The following FRK variants were observed in gnomAD, a reference collection of about 807,000 sequenced individuals.
FRK encodes the protein fyn related Src family tyrosine kinase.
A neutral mutation model predicts 56.4 loss-of-function variants in FRK; 51 were observed. The ratio of observed to expected loss-of-function variants is 0.90; its 90% CI spans 0.72 to 1.14. The LOEUF is 1.14. Among genes scored for constraint, FRK ranks in the 50% most tolerant of loss-of-function variants. The pLI is 0.00. For synonymous variants in FRK, 245 were observed against 217.9 expected (o/e 1.12, Z -1.10); for missense variants, 570 against 601.4 (o/e 0.95, Z 0.55).
At chr6:115,949,552 A>C (rs1235221590) in intron 5 of FRK, among the ~76,000 whole-genome samples, 1 of 152,216 alleles carries the variant, frequency 6.6e-6, no homozygotes, top group Non-Finnish European at 1.5e-5. Flanking sequence ...CAAATGGAAA[A>C]ATATTCCATG....
At chr6:115,946,228 G>A (rs1042995396) in intron 5 of FRK, among the ~76,000 whole-genome samples, 1 of 152,114 alleles carries the variant, frequency 6.6e-6, no homozygotes, top group Non-Finnish European at 1.5e-5. Flanking sequence ...ATACATTACA[G>A]GGGCCAGGAA....
At chr6:116,049,383 A>C (rs1777105706) in intron 1 of FRK, among the ~76,000 whole-genome samples, 1 of 152,212 alleles carries the variant, frequency 6.6e-6, no homozygotes, top group Non-Finnish European at 1.5e-5. Context: ...GTAAGCATTG[A>C]GTAAAACTAA....
chr6:116,036,878 T>C (rs1776504302), intron 1 of FRK, among the ~76,000 whole-genome samples: 1 of 152,166 alleles, frequency 6.6e-6, no homozygotes, highest in Non-Finnish European at 1.5e-5. Flanking sequence ...CCTTCTCTAA[T>C]CCAAGTTCAA....
rs2114490651 is a variant in FRK at position 115,935,823 on chromosome 6, A to C, written c.*6591T>G. 1 of 152,460 alleles carries C rather than the reference A, an allele frequency of 6.6e-6. No individual in the cohort carries two copies. The highest frequency in any genetic ancestry group is 1.5e-5 in the Non-Finnish European group (1 of 68,142). 9.4% of individuals were successfully genotyped at this position (152,460 alleles called of 1,614,324 possible). Reference sequence around the variant, plus strand: ...TAGATTCCTCCTCTCTGGGCAGGGCAACTCTAAAAAAAAGGCAGTCAGGGA... The same window carrying C: ...TAGATTCCTCCTCTCTGGGCAGGGCCACTCTAAAAAAAAGGCAGTCAGGGA... On this transcript the variant is annotated 3_prime_UTR_variant, in exon 8 of 8. Transcript: ENST00000606080.
At chr6:116,005,611 G>T (rs1429258473) in intron 1 of FRK, among the ~76,000 whole-genome samples, 2 of 152,148 alleles carry the variant, frequency 1.3e-5, no homozygotes, top group Admixed American at 1.3e-4. Context: ...TCAGTATCAG[G>T]AGCAAATTGA....
In FRK at chr6:116,010,246, T is replaced by C. The variant is rs997656412; in HGVS notation, c.345-6248A>G. On this transcript the variant is annotated intron_variant, in intron 1 of 7. Coordinates refer to ENST00000606080, the MANE Select transcript of FRK (RefSeq NM_002031.3). ...AAAAAAATTCACAAACTAAAAATTA[T>C]ATGTGCTTACTTTCCTGGAGATTAG... is the stretch of plus-strand genomic sequence containing the variant. Among the ~76,000 whole-genome samples the C allele has an allele frequency of 3.3e-5, 5 of 151,974 alleles. No individual in the cohort carries two copies. In the South Asian group the frequency reaches 1.0e-3, roughly 32 times the overall value.
At chr6:115,959,746 G>T (rs2114574785) in intron 4 of FRK, among the ~76,000 whole-genome samples, 1 of 152,224 alleles carries the variant, frequency 6.6e-6, no homozygotes, top group South Asian at 2.1e-4. Context: ...TAAAACCCTA[G>T]AAATTAGGAA....
chr6:115,953,250 C>T (rs1480523586), intron 5 of FRK, among the ~76,000 whole-genome samples: 89 of 109,098 alleles, frequency 8.2e-4, no homozygotes, highest in African/African-American at 3.0e-3. Context: ...AGTGCAGTGG[C>T]GGGATCTCGG....
At chr6:116,029,378 C>G (rs1776216100) in intron 1 of FRK, among the ~76,000 whole-genome samples, 1 of 152,090 alleles carries the variant, frequency 6.6e-6, no homozygotes, top group South Asian at 2.1e-4. Flanking sequence ...AAATCATGCT[C>G]AGATAATGAT....
At chr6:115,982,050 G>A (rs1774217827) in intron 2 of FRK, among the ~76,000 whole-genome samples, 1 of 152,116 alleles carries the variant, frequency 6.6e-6, no homozygotes, top group Non-Finnish European at 1.5e-5. Flanking sequence ...GGGAGTATCT[G>A]TGAAGATGTC....
chr6:115,992,277 G>A (rs757986812), intron 2 of FRK, among the ~76,000 whole-genome samples: 1 of 151,582 alleles, frequency 6.6e-6, no homozygotes, highest in African/African-American at 2.4e-5. Flanking sequence ...CTCATCTCCT[G>A]TAATGCCCTC....
At chr6:116,039,256 G>A (rs975146712) in intron 1 of FRK, 4 of 1,492,100 alleles carry the variant, frequency 2.7e-6, no homozygotes, top group African/African-American at 2.8e-5. Flanking sequence ...GCCTGTGTGG[G>A]CCATTGGTAC....
the FRK span, among the ~76,000 whole-genome samples, chr6:116,096,471 T>G: frequency 6.6e-6 from 1 of 152,064 alleles, no homozygotes; most frequent in Non-Finnish European, 1.5e-5. Flanking sequence ...GCACTCTGTG[T>G]CTAGCTAAAA....
At chr6:116,053,852 A>G (rs1246169424) in intron 1 of FRK, among the ~76,000 whole-genome samples, 1 of 152,100 alleles carries the variant, frequency 6.6e-6, no homozygotes, top group Admixed American at 6.6e-5. Flanking sequence ...AACTCATTTT[A>G]ATGATGCCAT....
chr6:116,085,265 G>A, the FRK span, among the ~76,000 whole-genome samples: 13 of 152,154 alleles, frequency 8.5e-5, no homozygotes, highest in Admixed American at 4.6e-4. Flanking sequence ...GGTACATACC[G>A]CATACATATC....
chr6:116,047,908 A>G (rs1233766450), intron 1 of FRK, among the ~76,000 whole-genome samples: 6 of 152,268 alleles, frequency 3.9e-5, no homozygotes, highest in Non-Finnish European at 7.3e-5. Context: ...GGCAAAGCCA[A>G]GAATGAGTGT....
chr6:115,952,348 A>T lies in FRK; in HGVS notation c.958+4104T>A, dbSNP rs977418435. 2.2e-4 allele frequency among the ~76,000 whole-genome samples: 33 copies of T among 152,152 alleles called. 1 individual carries two copies. The highest frequency in any genetic ancestry group is 6.5e-5 in the Admixed American group (1 of 15,274). ...GCGCACCATCACTGGCCATCAGAGA[A>T]ATGCAAATCAAAACCACAATGAAAT... On this transcript the variant is annotated intron_variant, in intron 5 of 7. Coordinates refer to ENST00000606080, the MANE Select transcript of FRK (RefSeq NM_002031.3).
At chr6:116,086,862 C>T in the FRK span, among the ~76,000 whole-genome samples, 4 of 152,142 alleles carry the variant, frequency 2.6e-5, no homozygotes, top group African/African-American at 7.2e-5. Context: ...GTGAACAAGA[C>T]GAAGTCCCCA....
chr6:115,993,425 G>T (rs1317590536), intron 2 of FRK, among the ~76,000 whole-genome samples: 1 of 151,750 alleles, frequency 6.6e-6, no homozygotes, highest in Non-Finnish European at 1.5e-5. Flanking sequence ...GATGTTCACA[G>T]AATTTTTTTC....
Sources: allele counts gnomAD v4.1 joint callset (sites outside exome capture counted in the v4.1 genomes callset), GRCh38; gene constraint gnomAD v4.1.1; transcripts MANE v1.5; gene names NCBI Gene and HGNC (gene_info 2026-07-23, HGNC 2026-07-21).